RPRD1A: variants seen among roughly 807,000 people sequenced by gnomAD.
RPRD1A encodes regulation of nuclear pre-mRNA domain-containing protein 1A.
In RPRD1A, 9 loss-of-function variants were observed where a neutral mutation model predicts 37.8. That is an observed-to-expected ratio of 0.24 (90% CI 0.14 to 0.42). The LOEUF is 0.42. RPRD1A is among the 10% of genes least tolerant of loss of function. The pLI, the probability that RPRD1A is intolerant of heterozygous loss-of-function variation, is 1.00. For missense variants in RPRD1A, 255 were observed against 371.0 expected (o/e 0.69, Z 2.57); for synonymous variants, 138 against 139.7 (o/e 0.99, Z 0.08).
At chr18:36,006,951 G>A (rs1242263647) in intron 6 of RPRD1A, among the ~76,000 whole-genome samples, 1 of 152,136 alleles carries the variant, frequency 6.6e-6, no homozygotes, top group African/African-American at 2.4e-5. Flanking sequence ...TCTGGATGGG[G>A]ACACAACATT....
intron 1 of RPRD1A, among the ~76,000 whole-genome samples, chr18:36,038,412 G>A (rs923757728): frequency 1.3e-5 from 2 of 152,262 alleles, no homozygotes; most frequent in African/African-American, 4.8e-5. Context: ...GCTTCCATGT[G>A]ATTGTGGGCC....
chr18:36,033,987 A>T, intron 1 of RPRD1A, 150 bp from the exon 2 acceptor site: 1 of 576,312 alleles, frequency 1.7e-6, no homozygotes, highest in Admixed American at 3.4e-5. Flanking sequence ...TTACTACCAA[A>T]CTAACCAGTC....
intron 1 of RPRD1A, among the ~76,000 whole-genome samples, chr18:36,049,422 A>AT (rs1231172612): frequency 6.7e-6 from 1 of 148,152 alleles, no homozygotes; most frequent in African/African-American, 2.5e-5. Flanking sequence ...CCTGCATATA[A>AT]TTTTTGACCC....
intron 6 of RPRD1A, among the ~76,000 whole-genome samples, chr18:36,009,196 C>T (rs562780440): frequency 6.6e-6 from 1 of 152,230 alleles, no homozygotes; most frequent in South Asian, 2.1e-4. Context: ...CTACTTGGGC[C>T]GTCAGTAGGA....
At chr18:35,995,589 A>G (rs1189478700) in intron 6 of RPRD1A, among the ~76,000 whole-genome samples, 1 of 152,180 alleles carries the variant, frequency 6.6e-6, no homozygotes, top group East Asian at 1.9e-4. Context: ...TTCTTATAAA[A>G]GAATGCAATA....
In RPRD1A at chr18:36,031,111, A is replaced by G. The variant is rs568206110; in HGVS notation, c.282-14T>C. 1.0e-5 allele frequency: 16 copies of G among 1,528,748 alleles called. No individual in the cohort carries two copies. Among genetic ancestry groups the G allele is most frequent in the African/African-American group, 2.8e-5 (2 of 71,056 alleles). The allele number at this position is 1,528,748 out of a possible 1,614,324, so 94.7% of individuals were successfully genotyped here. On this transcript the variant is annotated splice_polypyrimidine_tract_variant and intron_variant, in intron 2 of 6. Coordinates refer to ENST00000399022, the MANE Select transcript of RPRD1A (RefSeq NM_018170.5). ...TCATCAGTTTCACTAAAAAAAAAAA[A>G]AAAGAAAAAAAGAAAAATGTTAACA...
At chr18:36,058,968 C>T (rs955741887) in intron 1 of RPRD1A, among the ~76,000 whole-genome samples, 1 of 152,094 alleles carries the variant, frequency 6.6e-6, no homozygotes, top group Non-Finnish European at 1.5e-5. Flanking sequence ...AATAATCACT[C>T]CTTTCCCTGG....
intron 1 of RPRD1A, among the ~76,000 whole-genome samples, chr18:36,044,841 C>T (rs1912842505): frequency 6.6e-6 from 1 of 152,008 alleles, no homozygotes; most frequent in Non-Finnish European, 1.5e-5. Flanking sequence ...CCAAAGGACA[C>T]AAGCAATCTT....
Position 36,067,418 on chromosome 18 carries a change from C to T in RPRD1A, c.-14G>A. The T allele has an allele frequency of 6.2e-7, 1 of 1,601,688 alleles. No homozygotes were observed. Among genetic ancestry groups the T allele is most frequent in the Non-Finnish European group, 8.5e-7 (1 of 1,174,208 alleles). ...GAAGGCTGACATCCCTCCGACACCA[C>T]GTTCACGCCGTCCCACGCGGTGGGG... On this transcript the variant is annotated 5_prime_UTR_variant, in exon 1 of 7. It adds an upstream start codon to the 5' untranslated region. Coordinates refer to ENST00000399022, the MANE Select transcript of RPRD1A (RefSeq NM_018170.5).
At chr18:36,004,914 A>T (rs1909648470) in intron 6 of RPRD1A, among the ~76,000 whole-genome samples, 1 of 151,980 alleles carries the variant, frequency 6.6e-6, no homozygotes, top group Non-Finnish European at 1.5e-5. Flanking sequence ...AAAAAAGTAA[A>T]GAAATAAAAT....
intron 2 of RPRD1A, among the ~76,000 whole-genome samples, chr18:36,032,542 G>A (rs1040131617): frequency 6.6e-6 from 1 of 152,162 alleles, no homozygotes; most frequent in African/African-American, 2.4e-5. Flanking sequence ...AGGCAAGGAA[G>A]TATTATGACC....
At chr18:36,031,502 A>C (rs1362418186) in intron 2 of RPRD1A, among the ~76,000 whole-genome samples, 1 of 152,192 alleles carries the variant, frequency 6.6e-6, no homozygotes, top group Non-Finnish European at 1.5e-5. Context: ...AGCTTATGGC[A>C]GTTGTTATTT....
chr18:36,061,651 C>T (rs548889765), intron 1 of RPRD1A, among the ~76,000 whole-genome samples: 3 of 152,152 alleles, frequency 2.0e-5, no homozygotes, highest in Non-Finnish European at 4.4e-5. Flanking sequence ...TTGACTGAGA[C>T]ATTTACAGTT....
intron 6 of RPRD1A, among the ~76,000 whole-genome samples, chr18:35,997,596 AACTGAGTATCTATTCTACT>A (rs1246599509): frequency 6.6e-6 from 1 of 152,248 alleles, no homozygotes; most frequent in Non-Finnish European, 1.5e-5. Context: ...AAATGAATGT[AACTGAGTATCTATTCTACT>A]ACAAATAAGA....
At chr18:36,056,522 A>G (rs1186781724) in intron 1 of RPRD1A, among the ~76,000 whole-genome samples, 1 of 152,086 alleles carries the variant, frequency 6.6e-6, no homozygotes, top group African/African-American at 2.4e-5. Flanking sequence ...TCCTGACCTC[A>G]AGTGATCTGC....
At chr18:36,046,564 A>C (rs989552739) in intron 1 of RPRD1A, among the ~76,000 whole-genome samples, 4 of 151,956 alleles carry the variant, frequency 2.6e-5, no homozygotes, top group African/African-American at 9.7e-5. Flanking sequence ...GCACAGTGGC[A>C]CATGCCTGTA....
rs1339247337 is a variant in RPRD1A at position 36,008,573 on chromosome 18, G to GTATATATATATATATATATA, written c.790-15274_790-15273insTATATATATATATATATATA. On this transcript the variant is annotated intron_variant, in intron 6 of 6. Transcript: ENST00000399022. The stretch of plus-strand genomic sequence containing the variant: ...CCTGGGCGACACAGCAAGACCTTGT[G>GTATATATATATATATATATA]TGTGTATATATATATATCTTTAAAA... Among the ~76,000 whole-genome samples, 18 of 36,634 alleles carry GTATATATATATATATATATA rather than the reference G, an allele frequency of 4.9e-4. 1 individual carries two copies. The highest frequency in any genetic ancestry group is 1.7e-3 in the African/African-American group (14 of 8,104). The allele number at this position is 36,634 out of a possible 152,430, so 24.0% of individuals were successfully genotyped here. A position where few individuals can be genotyped will look rare whatever the true frequency, so the allele number is the denominator to read the frequency against.
intron 1 of RPRD1A, among the ~76,000 whole-genome samples, chr18:36,059,064 T>C (rs1318576337): frequency 6.6e-6 from 1 of 152,230 alleles, no homozygotes; most frequent in African/African-American, 2.4e-5. Context: ...CTACCCTTAT[T>C]TGATCATTAG....
intron 6 of RPRD1A, among the ~76,000 whole-genome samples, chr18:36,011,838 T>C (rs1910199347): frequency 6.6e-6 from 1 of 152,238 alleles, no homozygotes; most frequent in South Asian, 2.1e-4. Flanking sequence ...GAGTCCACCC[T>C]TGTCTACAAT....
Sources: gnomAD v4.1 joint callset for allele counts (sites outside exome capture counted in the v4.1 genomes callset) on GRCh38, gnomAD v4.1.1 for gene constraint, MANE v1.5 for transcripts, NCBI Gene and HGNC (gene_info 2026-07-23, HGNC 2026-07-21) for gene names.